Variants in KRTAP4-9 observed in about 807,000 individuals in gnomAD.
KRTAP4-9 encodes keratin associated protein 4-9.
KRTAP4-9 carries 4 observed loss-of-function variants against 4.3 expected under a neutral mutation model. The ratio of observed to expected loss-of-function variants is 0.94; its 90% CI spans 0.46 to 2.15. The LOEUF (loss-of-function observed/expected upper bound fraction) is 2.15, where lower values mean the gene tolerates loss of function less well. Among genes scored for constraint, KRTAP4-9 ranks in the 30% most tolerant of loss-of-function variants. The pLI, the probability that KRTAP4-9 is intolerant of heterozygous loss-of-function variation, is 0.02. For missense variants in KRTAP4-9, 297 were observed against 278.5 expected, an observed-to-expected ratio of 1.07 and a Z score of -0.47; for synonymous variants, 111 against 99.2, an observed-to-expected ratio of 1.12 and a Z score of -0.70.
At chr17:41,105,400 C>G in exon 1 of KRTAP4-9, 1 of 1,600,832 alleles carries the variant, frequency 6.2e-7, no homozygotes, top group Non-Finnish European at 8.5e-7. Context: ...TGGTCAGCTC[C>G]TGTTGTGGCT....
chr17:41,106,485 A>C (rs2014094939), exon 1 of KRTAP4-9: 1 of 188,816 alleles, frequency 5.3e-6, no homozygotes, highest in African/African-American at 2.4e-5. Context: ...TCTGTACATA[A>C]GAATTCATTG....
chr17:41,105,467 C>T (rs766232895), exon 1 of KRTAP4-9: 2 of 1,603,790 alleles, frequency 1.2e-6, no homozygotes, highest in East Asian at 2.2e-5. Context: ...CTGCTGCCGC[C>T]CCAGCTGCTG....
rs770484140 is a variant in KRTAP4-9, at chr17:41,105,630, G to A, written c.242G>A (p.Arg81His). ...ACCTGTTGCAGGACCACCTGCTACC[G>A]CCCCAGCTGTTGTGTGTCCAGCTGC... is the stretch of plus-strand genomic sequence containing the variant. Residue 81 changes from arginine (R) to histidine (H), a missense_variant, in exon 1 of 1, where the codon CGC (arginine) becomes CAC (histidine). Coordinates refer to ENST00000391415, the Ensembl canonical transcript of KRTAP4-9. 7.5e-6 allele frequency: 12 copies of A among 1,598,114 alleles called. No individual in the cohort carries two copies. The highest frequency in any genetic ancestry group is 3.3e-5 in the South Asian group (3 of 90,380).
chr17:41,105,917 C>T lies in KRTAP4-9; in HGVS notation c.529C>T (p.Arg177Cys), dbSNP rs1192074916. Reference sequence around the variant, plus strand: ...CTGCTGCCGCCCCTGCTGCTGCGTGCGTCCAGTCTGTGGCCGAGTCTCCTG... The same window carrying T: ...CTGCTGCCGCCCCTGCTGCTGCGTGTGTCCAGTCTGTGGCCGAGTCTCCTG... The change falls in exon 1 of 1, where the codon CGT (arginine) becomes TGT (cysteine). Residue 177 changes from arginine (R) to cysteine (C), a missense_variant. Coordinates refer to ENST00000391415, the Ensembl canonical transcript of KRTAP4-9. The T allele has an allele frequency of 5.0e-6, 8 of 1,608,282 alleles. No individual in the cohort carries two copies. In the South Asian group the frequency reaches 5.5e-5, roughly 11 times the overall value.
At chr17:41,105,484 C>A in exon 1 of KRTAP4-9, 1 of 1,603,594 alleles carries the variant, frequency 6.2e-7, no homozygotes, top group Non-Finnish European at 8.5e-7. Flanking sequence ...GCTGTGAGAC[C>A]ACCTGCTGCA....
At chr17:41,105,796 G>A (rs1359894566) in exon 1 of KRTAP4-9, 17 of 1,610,402 alleles carry the variant, frequency 1.1e-5, no homozygotes, top group Non-Finnish European at 1.3e-5. Flanking sequence ...GCTGCTGCAA[G>A]CCCCAGTGCT....
exon 1 of KRTAP4-9, chr17:41,106,117 T>C (rs2143892139): frequency 6.8e-7 from 1 of 1,466,524 alleles, no homozygotes. Context: ...GTGGGGTTGA[T>C]GTCATTCAAT....
rs749620792 is a variant in KRTAP4-9, at chr17:41,105,504, G to C, written c.116G>C (p.Cys39Ser). The C allele has an allele frequency of 8.9e-6, 14 of 1,566,640 alleles. No homozygotes were observed. In the South Asian group the frequency reaches 1.5e-4, roughly 16 times the overall value. Residue 39 changes from cysteine to serine, a missense_variant, in exon 1 of 1, where the codon TGC (cysteine) becomes TCC (serine). By Grantham distance (112) the Cys-to-Ser change is moderately radical (BLOSUM62 -1). Coordinates refer to ENST00000391415, the Ensembl canonical transcript of KRTAP4-9. ...GAGACCACCTGCTGCAGGACCACCTGCTGCCGCCCCAGCTGTTGTGTATCC... is the reference window on the plus strand; with the variant it reads ...GAGACCACCTGCTGCAGGACCACCTCCTGCCGCCCCAGCTGTTGTGTATCC...
In KRTAP4-9 at chr17:41,105,503, T is replaced by G. The variant is rs780614294; in HGVS notation, c.115T>G (p.Cys39Gly). 8.3e-6 allele frequency: 13 copies of G among 1,566,558 alleles called. No individual in the cohort carries two copies. In the South Asian group the frequency reaches 1.2e-4, roughly 15 times the overall value. Residue 39 changes from cysteine to glycine, a missense_variant, in exon 1 of 1, where the codon TGC becomes GGC. Physicochemically the swap from Cys to Gly is radical, Grantham distance 159 (BLOSUM62 -3). Coordinates refer to ENST00000391415, the Ensembl canonical transcript of KRTAP4-9. Reference sequence around the variant, plus strand: ...TGAGACCACCTGCTGCAGGACCACCTGCTGCCGCCCCAGCTGTTGTGTATC... The same window carrying G: ...TGAGACCACCTGCTGCAGGACCACCGGCTGCCGCCCCAGCTGTTGTGTATC...
rs199984653 is a variant in KRTAP4-9, at chr17:41,105,914, G to C, written c.526G>C (p.Val176Leu). Residue 176 changes from valine (V) to leucine (L), a missense_variant, in exon 1 of 1, where the codon GTG becomes CTG. By Grantham distance (32) the Val-to-Leu change is conservative (BLOSUM62 1). Coordinates refer to ENST00000391415, the Ensembl canonical transcript of KRTAP4-9. Reference sequence around the variant, plus strand: ...CAGCTGCTGCCGCCCCTGCTGCTGCGTGCGTCCAGTCTGTGGCCGAGTCTC... The same window carrying C: ...CAGCTGCTGCCGCCCCTGCTGCTGCCTGCGTCCAGTCTGTGGCCGAGTCTC... The C allele has an allele frequency of 3.2e-3, 5,175 of 1,605,392 alleles. 153 individuals carry two copies. The African/African-American group carries it at 0.043, about 13-fold the overall frequency.
chr17:41,105,647 T>A, exon 1 of KRTAP4-9: 1 of 1,574,902 alleles, frequency 6.3e-7, no homozygotes, highest in Admixed American at 1.8e-5. Context: ...CTGTTGTGTG[T>A]CCAGCTGCTG....
exon 1 of KRTAP4-9, chr17:41,105,745 C>G: frequency 6.2e-7 from 1 of 1,601,952 alleles, no homozygotes; most frequent in East Asian, 2.2e-5. Context: ...ACCCTAGGTG[C>G]TGCATCTCCA....
chr17:41,106,096 G>T (rs2014087319), exon 1 of KRTAP4-9: 1 of 1,486,722 alleles, frequency 6.7e-7, no homozygotes, highest in Non-Finnish European at 9.0e-7. Flanking sequence ...CTGACCATTA[G>T]GATACAGGAA....
At chr17:41,106,041 C>T (rs542861605) in exon 1 of KRTAP4-9, 42 of 1,559,948 alleles carry the variant, frequency 2.7e-5, no homozygotes, top group South Asian at 1.2e-4. Flanking sequence ...CCTGGCTTAT[C>T]TCCCCCTTCA....
Position 41,106,097 on chromosome 17 carries a change from G to T in KRTAP4-9, c.*76G>T. On this transcript the variant is annotated 3_prime_UTR_variant, in exon 1 of 1. Coordinates refer to ENST00000391415, the Ensembl canonical transcript of KRTAP4-9. ...ACCCTTCTACTGTGCTGACCATTAG[G>T]ATACAGGAAGTGGGGTTGATGTCAT... 3 of 1,485,282 alleles carry T rather than the reference G, an allele frequency of 2.0e-6. 1 individual carries two copies. In the East Asian group the frequency reaches 7.4e-5, roughly 37 times the overall value. The allele number at this position is 1,485,282 out of a possible 1,614,324, so 92.0% of individuals were successfully genotyped here. A position where few individuals can be genotyped will look rare whatever the true frequency, so the allele number is the denominator to read the frequency against.
At chr17:41,106,047 C>A (rs771174162) in exon 1 of KRTAP4-9, 113 of 1,553,724 alleles carry the variant, frequency 7.3e-5, no homozygotes, top group Non-Finnish European at 9.5e-5. Context: ...TTATCTCCCC[C>A]TTCACCACTG....
exon 1 of KRTAP4-9, chr17:41,105,785 A>T (rs1479084836): frequency 6.2e-7 from 1 of 1,604,090 alleles, no homozygotes; most frequent in Non-Finnish European, 8.5e-7. Flanking sequence ...CTGTGTGTCC[A>T]GCTGCTGCAA....
chr17:41,105,662 C>T (rs1309435819), exon 1 of KRTAP4-9: 3 of 1,565,146 alleles, frequency 1.9e-6, no homozygotes, highest in Non-Finnish European at 2.6e-6. Flanking sequence ...CTGCTGCAGG[C>T]CCCAGTGCTG....
rs550606846 is a variant in KRTAP4-9, at chr17:41,105,723, C to G, written c.335C>G (p.Thr112Arg). 1.1e-4 allele frequency: 170 copies of G among 1,572,814 alleles called. No homozygotes were observed. Among genetic ancestry groups the G allele is most frequent in the Non-Finnish European group, 1.4e-4 (158 of 1,156,822 alleles). ...TGCTGTCGCCCCAGCTGCTGTGAGA[C>G]GACCTGCTGCCACCCTAGGTGCTGC... Residue 112 changes from threonine (T) to arginine (R), a missense_variant, in exon 1 of 1, where the codon ACG becomes AGG. Coordinates refer to ENST00000391415, the Ensembl canonical transcript of KRTAP4-9.
Sources: allele counts gnomAD v4.1 joint callset, GRCh38; gene constraint gnomAD v4.1.1; transcripts MANE v1.5; gene names NCBI Gene and HGNC (gene_info 2026-07-23, HGNC 2026-07-21).